The following MYO7B variants were observed in gnomAD, a reference collection of about 807,000 sequenced individuals.
MYO7B encodes unconventional myosin-VIIb.
MYO7B carries 212 observed loss-of-function variants against 259.7 expected under a neutral mutation model. That is an observed-to-expected ratio of 0.82 (90% confidence interval 0.73 to 0.91). The LOEUF (loss-of-function observed/expected upper bound fraction) is 0.91, where lower values mean the gene tolerates loss of function less well. MYO7B is among the 40% of genes least tolerant of loss of function. MYO7B has a pLI of 0.00. For synonymous variants in MYO7B, 1,197 were observed against 1,166.4 expected, an observed-to-expected ratio of 1.03 and a Z score of -0.54; for missense variants, 2,732 against 2,813.5, an observed-to-expected ratio of 0.97 and a Z score of 0.66.
Position 127,596,514 on chromosome 2 carries a change from C to T in MYO7B, c.2297C>T (p.Ala766Val), listed in dbSNP as rs199683153. The change falls in exon 19 of 48, where the codon GCG becomes GTG. Residue 766 changes from alanine (A) to valine (V), a missense_variant. Physicochemically the swap from Ala to Val is moderately conservative, Grantham distance 64. Transcript: ENST00000409816. The stretch of plus-strand genomic sequence containing the variant: ...CAGAGAAGCCAGGTGCTAGACAGAG[C>T]GGCGCTCAGCATCCAGAAAGTCCTT... ...EVQRSQVLDR[A>V]ALSIQKVLRG... is the part of the protein sequence containing the mutation. 1.4e-4 allele frequency: 227 copies of T among 1,613,476 alleles called. No homozygotes were observed. Among genetic ancestry groups the T allele is most frequent in the Non-Finnish European group, 1.6e-4 (190 of 1,179,758 alleles).
chr2:127,631,076 G>A, intron 36 of MYO7B, 130 bp from the exon 37 acceptor site: 1 of 1,402,352 alleles, frequency 7.1e-7, no homozygotes, highest in Non-Finnish European at 9.5e-7. Context: ...GGCCAGGGGA[G>A]TCAGGAGGGG....
chr2:127,566,379 G>A (rs1038681918), intron 4 of MYO7B, among the ~76,000 whole-genome samples: 4 of 152,200 alleles, frequency 2.6e-5, no homozygotes, highest in African/African-American at 9.7e-5. Flanking sequence ...TACCAGGCAG[G>A]GTACAAAACA....
chr2:127,570,313 A>G (rs531367868), intron 6 of MYO7B, among the ~76,000 whole-genome samples: 1 of 152,342 alleles, frequency 6.6e-6, no homozygotes, highest in South Asian at 2.1e-4. Flanking sequence ...GGGAGAAAGC[A>G]GGAGTGGGCA....
In MYO7B at chr2:127,596,509, C is replaced by T. The variant is rs769217285; in HGVS notation, c.2292C>T (p.Asp764=). Residue 764 remains aspartate, a synonymous_variant, in exon 19 of 48, where the codon GAC becomes GAT. Coordinates refer to ENST00000409816, the MANE Select transcript of MYO7B (RefSeq NM_001393586.1). The stretch of plus-strand genomic sequence containing the variant: ...AGGTACAGAGAAGCCAGGTGCTAGA[C>T]AGAGCGGCGCTCAGCATCCAGAAAG... The part of the protein sequence containing the change: ...LLEVQRSQVL[D]RAALSIQKVL... 9.9e-6 allele frequency: 16 copies of T among 1,613,620 alleles called. No individual in the cohort carries two copies. In the East Asian group the frequency reaches 2.9e-4, roughly 29 times the overall value.
Position 127,566,832 on chromosome 2 carries a change from G to A in MYO7B, c.470+5G>A. On this transcript the variant is annotated splice_donor_5th_base_variant and intron_variant, in intron 5 of 47. Coordinates refer to ENST00000409816, the MANE Select transcript of MYO7B (RefSeq NM_001393586.1). ...GGACCAGTGCTGCATCATCAGGTGA[G>A]GCAGAGGGGTCAGGCACCACCTCCA... is the stretch of plus-strand genomic sequence containing the variant. The A allele has an allele frequency of 6.2e-7, 1 of 1,606,240 alleles. No individual in the cohort carries two copies. The highest frequency in any genetic ancestry group is 8.5e-7 in the Non-Finnish European group (1 of 1,178,490).
Position 127,546,762 on chromosome 2 carries a change from G to GTCCATCCA in MYO7B, c.-24+10966_-24+10973dup, listed in dbSNP as rs3034060. 0.02 allele frequency among the ~76,000 whole-genome samples: 3,049 copies of GTCCATCCA among 149,402 alleles called. 103 individuals are homozygous for GTCCATCCA. Among genetic ancestry groups the GTCCATCCA allele is most frequent in the African/African-American group, 0.062 (2,482 of 40,250 alleles). On this transcript the variant is annotated intron_variant, in intron 1 of 47. Coordinates refer to ENST00000409816, the MANE Select transcript of MYO7B (RefSeq NM_001393586.1). The surrounding 1 kb of genome is among the most constrained non-coding windows in gnomAD (Gnocchi z 4.2). ...ATGCCTCACCTGCTTTCCTGGGTAG[G>GTCCATCCA]TCCATCCATCCATCCATCCATCCAT...
chr2:127,605,772 C>G (rs548360939), intron 19 of MYO7B, 72 bp from the exon 20 acceptor site: 2 of 1,354,704 alleles, frequency 1.5e-6, no homozygotes, highest in Non-Finnish European at 2.1e-6. Flanking sequence ...CCTTCCAAAC[C>G]AGTTTTTCTC....
chr2:127,634,457 C>T (rs1681685333), intron 41 of MYO7B, 139 bp from the exon 42 acceptor site: 1 of 889,640 alleles, frequency 1.1e-6, no homozygotes, highest in Non-Finnish European at 1.8e-6. Flanking sequence ...GAGCCAGCTC[C>T]ACACGCCAAT....
At position 127,592,963 on chromosome 2, in the gene MYO7B, G is replaced by A. The variant is rs2104977888; in HGVS notation, c.2145+17G>A. ...CGGATGCAGGTCAGCGCCCCTCGGG[G>A]ACGGTCACCTCTGGCCATCCGCGGC... On this transcript the variant is annotated intron_variant, in intron 17 of 47. Coordinates refer to ENST00000409816, the MANE Select transcript of MYO7B (RefSeq NM_001393586.1). The A allele has an allele frequency of 6.4e-7, 1 of 1,572,982 alleles. No homozygotes were observed. The highest frequency in any genetic ancestry group is 1.2e-5 in the South Asian group (1 of 85,652).
Position 127,636,938 on chromosome 2 carries a change from C to A in MYO7B, c.6327+25C>A. 1.2e-6 allele frequency: 2 copies of A among 1,607,826 alleles called. No homozygotes were observed. The highest frequency in any genetic ancestry group is 2.7e-5 in the African/African-American group (2 of 75,024). ...GGTGAGCTCAGGTTCTTTCTCCCATCCAAGATGCATAGGACAGAGCTGCTG... is the reference window on the plus strand; with the variant it reads ...GGTGAGCTCAGGTTCTTTCTCCCATACAAGATGCATAGGACAGAGCTGCTG... On this transcript the variant is annotated intron_variant, in intron 47 of 47. Coordinates refer to ENST00000409816, the MANE Select transcript of MYO7B (RefSeq NM_001393586.1). This position sits in a 1 kb window ranked among gnomAD's most constrained non-coding sequence, Gnocchi z 4.5.
rs1345588080 is a variant in MYO7B at position 127,614,966 on chromosome 2, A to G, written c.3398+2363A>G. On this transcript the variant is annotated intron_variant, in intron 26 of 47. Coordinates refer to ENST00000409816, the MANE Select transcript of MYO7B (RefSeq NM_001393586.1). The surrounding 1 kb of genome is among the most constrained non-coding windows in gnomAD (Gnocchi z 4.6). The stretch of plus-strand genomic sequence containing the variant: ...ATGCCCTGTTCCACATCTGTCACAC[A>G]TTCCACACACACTTGCTCATTACCC... Among the ~76,000 whole-genome samples, 1 of 152,180 alleles carries G rather than the reference A, an allele frequency of 6.6e-6. No homozygotes were observed. Among genetic ancestry groups the G allele is most frequent in the Non-Finnish European group, 1.5e-5 (1 of 68,038 alleles).
At chr2:127,571,532 G>GCACAATGGCACGATCTCGGC (rs761915340) in intron 6 of MYO7B, among the ~76,000 whole-genome samples, 109 of 146,132 alleles carry the variant, frequency 7.5e-4, no homozygotes, top group Non-Finnish European at 1.1e-3. Flanking sequence ...CCAGGCTGGA[G>GCACAATGGCACGATCTCGGC]CACAATGGCA....
In MYO7B at chr2:127,576,617, A is replaced by T; in HGVS notation, c.758A>T (p.His253Leu). 6.2e-7 allele frequency: 1 copy of T among 1,603,998 alleles called. No homozygotes were observed. Among genetic ancestry groups the T allele is most frequent in the East Asian group, 2.3e-5 (1 of 44,388 alleles). ...CRQAPEERNY[H>L]IFYCMLMGVS... ...CAGGCTCCCGAGGAGCGGAACTACC[A>T]TATCTTCTACTGCATGCTCATGGGG... Residue 253 changes from histidine to leucine, a missense_variant, in exon 8 of 48, where the codon CAT (histidine) becomes CTT (leucine). His to Leu is a moderately conservative substitution (Grantham distance 99). Transcript: ENST00000409816. The surrounding 1 kb of genome is among the most constrained non-coding windows in gnomAD (Gnocchi z 4.9).
intron 11 of MYO7B, 117 bp downstream of exon 11, chr2:127,582,127 C>A: frequency 6.6e-7 from 1 of 1,513,490 alleles, no homozygotes; most frequent in Non-Finnish European, 8.9e-7. Context: ...CCCACTCTGC[C>A]AGTCACCTGC....
chr2:127,584,426 C>G lies in MYO7B; in HGVS notation c.1554+94C>G. On this transcript the variant is annotated intron_variant, in intron 13 of 47. Coordinates refer to ENST00000409816, the MANE Select transcript of MYO7B (RefSeq NM_001393586.1). The surrounding 1 kb of genome is among the most constrained non-coding windows in gnomAD (Gnocchi z 5.8). ...ACTCCATTTGGGTGGGCCACTTGTT[C>G]TGAGAGTCACTAAAACCTCTGCCAG... The G allele has an allele frequency of 7.6e-7, 1 of 1,318,698 alleles. No homozygotes were observed. The highest frequency in any genetic ancestry group is 1.1e-6 in the Non-Finnish European group (1 of 945,540). The allele number at this position is 1,318,698 out of a possible 1,614,324, so 81.7% of individuals were successfully genotyped here.
rs1340431770 is a variant in MYO7B at position 127,590,760 on chromosome 2, T to A, written c.1992+531T>A. On this transcript the variant is annotated intron_variant, in intron 16 of 47. Coordinates refer to ENST00000409816, the MANE Select transcript of MYO7B (RefSeq NM_001393586.1). This position sits in a 1 kb window ranked among gnomAD's most constrained non-coding sequence, Gnocchi z 4.6. ...AGTCCCTGCTCCATTGGGTGGGGAG[T>A]CCCACCCAGAGGCCGCATATGCAGG... 6.6e-6 allele frequency among the ~76,000 whole-genome samples: 1 copy of A among 151,564 alleles called. No homozygotes were observed. The highest frequency in any genetic ancestry group is 1.5e-5 in the Non-Finnish European group (1 of 67,936).
At chr2:127,564,008 GA>G in intron 2 of MYO7B, 144 bp from the exon 3 acceptor site, 1 of 579,112 alleles carries the variant, frequency 1.7e-6, no homozygotes, top group Non-Finnish European at 3.1e-6. Context: ...AGAGATGGGA[GA>G]GGGGAGGAGA....
At chr2:127,536,022 G>A (rs1692759356) in intron 1 of MYO7B, among the ~76,000 whole-genome samples, 191 bp downstream of exon 1, 1 of 152,190 alleles carries the variant, frequency 6.6e-6, no homozygotes, top group African/African-American at 2.4e-5. Flanking sequence ...GGGCTGAAGG[G>A]CAGCACCTGG....
chr2:127,616,381 C>T (rs1053875591), intron 26 of MYO7B, among the ~76,000 whole-genome samples: 1 of 152,150 alleles, frequency 6.6e-6, no homozygotes, highest in African/African-American at 2.4e-5. Flanking sequence ...AAATCCCTGA[C>T]CTCCTCGCTT....
Sources: allele counts gnomAD v4.1 joint callset (sites outside exome capture counted in the v4.1 genomes callset), GRCh38; gene constraint gnomAD v4.1.1; non-coding constraint Gnocchi (gnomAD v3.1); transcripts MANE v1.5; gene names NCBI Gene and HGNC (gene_info 2026-07-23, HGNC 2026-07-21).